The following UTY variants were observed in gnomAD, a reference collection of about 807,000 sequenced individuals.
UTY encodes the protein histone demethylase UTY.
In UTY, 12 loss-of-function variants were observed where a neutral mutation model predicts 32.5. The ratio of observed to expected loss-of-function variants is 0.37; its 90% CI spans 0.24 to 0.60. The LOEUF (loss-of-function observed/expected upper bound fraction) is 0.60, where lower values mean the gene tolerates loss of function less well. Among genes scored for constraint, UTY ranks in the 20% least tolerant of loss-of-function variants. The pLI is 0.69. For missense variants in UTY, 303 were observed against 299.2 expected (o/e 1.01, Z -0.09); for synonymous variants, 131 against 103.4 (o/e 1.27, Z -1.62).
chrY:13,457,820 C>T (rs770644559), intron 3 of UTY, among the ~76,000 whole-genome samples: 1 of 33,341 alleles, frequency 3.0e-5, no homozygotes, highest in African/African-American at 1.2e-4. Context: ...CAGGGACATG[C>T]TACAAAATAC....
At chrY:13,440,527 C>A in intron 4 of UTY, among the ~76,000 whole-genome samples, 1 of 33,303 alleles carries the variant, frequency 3.0e-5, no homozygotes, top group Non-Finnish European at 7.4e-5. Flanking sequence ...ATTGAGTTTT[C>A]TCTGTGCACC....
At chrY:13,239,017 C>T (rs904936125) in intron 28 of UTY, among the ~76,000 whole-genome samples, 1 of 33,140 alleles carries the variant, frequency 3.0e-5, no homozygotes, top group Non-Finnish European at 7.4e-5. Context: ...CAGAACAAGA[C>T]GGTAGTAATT....
intron 28 of UTY, among the ~76,000 whole-genome samples, chrY:13,241,482 A>C: frequency 6.0e-5 from 2 of 33,226 alleles, no homozygotes; most frequent in Non-Finnish European, 7.4e-5. Flanking sequence ...CCAACCCAAA[A>C]ATAGCAGAAG....
intron 18 of UTY, among the ~76,000 whole-genome samples, chrY:13,328,289 G>C: frequency 3.0e-5 from 1 of 33,593 alleles, no homozygotes; most frequent in Non-Finnish European, 7.4e-5. Flanking sequence ...AAGAAATTGG[G>C]ATTTACTGTA....
At chrY:13,264,995 G>C (rs1044373438) in intron 27 of UTY, among the ~76,000 whole-genome samples, 3 of 33,529 alleles carry the variant, frequency 8.9e-5, no homozygotes, top group Non-Finnish European at 2.2e-4. Flanking sequence ...TTATTAAATA[G>C]GGCATACTTC....
At chrY:13,383,519 G>A in intron 8 of UTY, among the ~76,000 whole-genome samples, 2 of 26,687 alleles carry the variant, frequency 7.5e-5, no homozygotes, top group African/African-American at 1.5e-4. Flanking sequence ...GCATGAACCC[G>A]AGAGGCAAAG....
chrY:13,276,639 G>A (rs533938804), intron 27 of UTY, among the ~76,000 whole-genome samples: 106 of 32,676 alleles, frequency 3.2e-3, no homozygotes, highest in African/African-American at 0.011. Context: ...GGAGAATGGC[G>A]TCAACCCGGA....
At chrY:13,363,104 A>G (rs986926224) in intron 10 of UTY, among the ~76,000 whole-genome samples, 5 of 32,215 alleles carry the variant, frequency 1.6e-4, no homozygotes, top group Admixed American at 1.4e-3. Context: ...GTGTTTCACC[A>G]TATTGGCCAG....
At chrY:13,252,403 C>CT (rs2054299456) in intron 28 of UTY, among the ~76,000 whole-genome samples, 1 of 32,619 alleles carries the variant, frequency 3.1e-5, no homozygotes, top group African/African-American at 1.2e-4. Context: ...GAACATCTCC[C>CT]TTTTTTTTAC....
chrY:13,467,051 G>A (rs2077971374), intron 3 of UTY, among the ~76,000 whole-genome samples: 2 of 33,399 alleles, frequency 6.0e-5, no homozygotes, highest in Admixed American at 2.7e-4. Flanking sequence ...GATTACAGGC[G>A]CATGCCACCA....
chrY:13,447,794 A>C, intron 4 of UTY, among the ~76,000 whole-genome samples: 1 of 33,672 alleles, frequency 3.0e-5, no homozygotes, highest in Non-Finnish European at 7.4e-5. Flanking sequence ...GGTAGAAGAC[A>C]GCAAAACTCT....
chrY:13,273,984 A>G (rs2056469570), intron 27 of UTY, among the ~76,000 whole-genome samples: 1 of 31,231 alleles, frequency 3.2e-5, no homozygotes, highest in East Asian at 7.9e-4. Context: ...CTACTTCAAA[A>G]AAAAAAAAAA....
At position 13,319,993 on chromosome Y, in the gene UTY, C is replaced by A. The variant is rs2148905972; in HGVS notation, c.3276+3562G>T. Among the ~76,000 whole-genome samples, 3 of 33,156 alleles carry A rather than the reference C, an allele frequency of 9.0e-5. No individual in the cohort carries two copies. The East Asian group carries it at 2.3e-3, about 26-fold the overall frequency. The allele number at this position is 33,156 out of a possible 37,273, so 89.0% of individuals were successfully genotyped here. ...ATCAAGTACTTTAAATCTTTAATAT[C>A]TGACAAATTTTCCAATATCAAATGA... On this transcript the variant is annotated intron_variant, in intron 21 of 29. Transcript: ENST00000545955.
intron 4 of UTY, among the ~76,000 whole-genome samples, chrY:13,431,055 G>T: frequency 3.0e-5 from 1 of 33,034 alleles, no homozygotes; most frequent in Admixed American, 2.7e-4. Context: ...AATAAAATAA[G>T]AGAGGAAAAA....
At chrY:13,276,999 C>T in intron 27 of UTY, among the ~76,000 whole-genome samples, 2 of 33,905 alleles carry the variant, frequency 5.9e-5, no homozygotes, top group Non-Finnish European at 1.5e-4. Context: ...TCTGCCTTAA[C>T]AGAAATGCTT....
chrY:13,413,271 A>G, intron 5 of UTY, among the ~76,000 whole-genome samples: 1 of 33,700 alleles, frequency 3.0e-5, no homozygotes, highest in African/African-American at 1.2e-4. Flanking sequence ...TCTTGGACCT[A>G]GAACAAGAAC....
chrY:13,269,243 G>A (rs2056088579), intron 27 of UTY, among the ~76,000 whole-genome samples: 1 of 33,094 alleles, frequency 3.0e-5, no homozygotes, highest in Admixed American at 2.8e-4. Context: ...AGTCTATAGC[G>A]GCTTTGTCGA....
intron 10 of UTY, among the ~76,000 whole-genome samples, chrY:13,360,754 T>C (rs748957729): frequency 3.0e-5 from 1 of 33,486 alleles, no homozygotes; most frequent in South Asian, 6.6e-4. Flanking sequence ...TAGTACGTTA[T>C]ATTAATAAAC....
intron 21 of UTY, among the ~76,000 whole-genome samples, chrY:13,318,115 G>A: frequency 6.6e-5 from 2 of 30,311 alleles, no homozygotes; most frequent in South Asian, 7.4e-4. Context: ...AGCCAAGATC[G>A]TGCCATTGCA....
Sources: allele counts gnomAD v4.1 joint callset (sites outside exome capture counted in the v4.1 genomes callset), GRCh38; gene constraint gnomAD v4.1.1; transcripts MANE v1.5; gene names NCBI Gene and HGNC (gene_info 2026-07-23, HGNC 2026-07-21).